The following SDK1 variants were observed in gnomAD, a reference collection of about 807,000 sequenced individuals.
SDK1 encodes sidekick cell adhesion molecule 1.
SDK1 carries 157 observed loss-of-function variants against 245.5 expected under a neutral mutation model. That is an observed-to-expected ratio of 0.64 (90% confidence interval 0.56 to 0.73). SDK1 has a LOEUF of 0.73. Among genes scored for constraint, SDK1 ranks in the 30% least tolerant of loss-of-function variants. The pLI is 0.00. For synonymous variants in SDK1, 1,647 were observed against 1,278.5 expected (o/e 1.29, Z -6.15); for missense variants, 3,583 against 3,002.3 (o/e 1.19, Z -4.52).
chr7:3,779,856 C>T (rs367885103), intron 4 of SDK1, among the ~76,000 whole-genome samples: 43 of 148,204 alleles, frequency 2.9e-4, no homozygotes, highest in East Asian at 2.0e-3. Flanking sequence ...GGCGTGAACC[C>T]GGGAAGCGGA....
intron 1 of SDK1, among the ~76,000 whole-genome samples, chr7:3,607,714 C>A (rs540261595): frequency 6.6e-6 from 1 of 152,168 alleles, no homozygotes; most frequent in Non-Finnish European, 1.5e-5. Context: ...ATTTAGAAAG[C>A]CAAAAGTAAA....
intron 1 of SDK1, among the ~76,000 whole-genome samples, chr7:3,391,804 T>G (rs1781763740): frequency 6.6e-6 from 1 of 151,696 alleles, no homozygotes; most frequent in African/African-American, 2.4e-5. Context: ...ATTTTTGTAT[T>G]TTTTTGTAGA....
chr7:4,131,402 G>C (rs1384138339), intron 27 of SDK1, among the ~76,000 whole-genome samples: 2 of 152,200 alleles, frequency 1.3e-5, no homozygotes, highest in African/African-American at 4.8e-5. Flanking sequence ...TCCTAGTTGG[G>C]AGCCTGTGGC....
At chr7:4,017,907 G>T (rs1357252955) in intron 17 of SDK1, among the ~76,000 whole-genome samples, 3 of 152,202 alleles carry the variant, frequency 2.0e-5, no homozygotes, top group African/African-American at 7.2e-5. Flanking sequence ...CATGAAGCCA[G>T]TGGTTCTTAA....
intron 32 of SDK1, among the ~76,000 whole-genome samples, chr7:4,166,710 G>A (rs1025099301): frequency 5.9e-5 from 9 of 152,216 alleles, no homozygotes; most frequent in African/African-American, 1.9e-4. Flanking sequence ...GGGGGACCAC[G>A]GTGGCCGGAT....
chr7:3,316,747 C>A (rs1052103974), intron 1 of SDK1, among the ~76,000 whole-genome samples: 2 of 152,148 alleles, frequency 1.3e-5, no homozygotes, highest in African/African-American at 2.4e-5. Context: ...CAGCGTGGAA[C>A]TGGTTCTTGC....
At chr7:4,063,650 CA>C (rs1401652181) in intron 19 of SDK1, among the ~76,000 whole-genome samples, 1 of 150,122 alleles carries the variant, frequency 6.7e-6, no homozygotes, top group Non-Finnish European at 1.5e-5. Flanking sequence ...AAAAAGAGCC[CA>C]AATAGCCAAA....
At chr7:3,876,741 C>T (rs1781087142) in intron 5 of SDK1, among the ~76,000 whole-genome samples, 1 of 152,110 alleles carries the variant, frequency 6.6e-6, no homozygotes. Context: ...CACAGTGGCA[C>T]TTTTAATCAA....
intron 1 of SDK1, among the ~76,000 whole-genome samples, chr7:3,480,399 C>T (rs1011373822): frequency 4.9e-5 from 7 of 143,476 alleles, no homozygotes; most frequent in Admixed American, 3.5e-4. Flanking sequence ...TCCGGATAAG[C>T]TGCCTGCCTC....
rs745889287 is a variant in SDK1 at position 3,417,342 on chromosome 7, C to T, written c.298+115458C>T. ...CTCTCCAGCCAGTTCCCCGACTCTT[C>T]GTCTTCTTTCTGCTGCATGTGGTCT... is the stretch of plus-strand genomic sequence containing the variant. On this transcript the variant is annotated intron_variant, in intron 1 of 44. Coordinates refer to ENST00000404826, the MANE Select transcript of SDK1 (RefSeq NM_152744.4). Among the ~76,000 whole-genome samples the T allele has an allele frequency of 1.1e-4, 17 of 152,152 alleles. 1 individual carries two copies. The highest frequency in any genetic ancestry group is 3.9e-4 in the Admixed American group (6 of 15,282).
At chr7:3,445,374 G>A (rs1031973922) in intron 1 of SDK1, among the ~76,000 whole-genome samples, 1 of 152,152 alleles carries the variant, frequency 6.6e-6, no homozygotes, top group African/African-American at 2.4e-5. Context: ...CCATGGTTAG[G>A]TTAAGTTAGG....
chr7:4,066,765 G>C (rs934623844), intron 19 of SDK1, among the ~76,000 whole-genome samples: 2 of 152,226 alleles, frequency 1.3e-5, no homozygotes, highest in African/African-American at 4.8e-5. Context: ...AGATGTCCCT[G>C]CTGTCCGGCC....
At position 4,009,438 on chromosome 7, in the gene SDK1, A is replaced by C. The variant is rs557785550; in HGVS notation, c.2132-1528A>C. On this transcript the variant is annotated intron_variant, in intron 14 of 44. Coordinates refer to ENST00000404826, the MANE Select transcript of SDK1 (RefSeq NM_152744.4). ...CCATGAGCTGCATGATACAAGTGGA[A>C]GGGTTTTAGGCTCCCAGAGTAAAAA... is the stretch of plus-strand genomic sequence containing the variant. Among the ~76,000 whole-genome samples the C allele has an allele frequency of 9.2e-4, 140 of 152,342 alleles. 2 individuals are homozygous for C. Among genetic ancestry groups the C allele is most frequent in the South Asian group, 1.0e-3 (5 of 4,830 alleles).
intron 1 of SDK1, among the ~76,000 whole-genome samples, chr7:3,309,252 A>G (rs574881290): frequency 2.0e-5 from 3 of 152,290 alleles, no homozygotes; most frequent in Non-Finnish European, 4.4e-5. Flanking sequence ...AGATTTTGAT[A>G]GGGTATGACC....
At chr7:4,013,127 G>C (rs1786120829) in intron 16 of SDK1, among the ~76,000 whole-genome samples, 1 of 152,152 alleles carries the variant, frequency 6.6e-6, no homozygotes, top group Non-Finnish European at 1.5e-5. Flanking sequence ...ACTTCTGCAG[G>C]CCAGATGTGG....
intron 1 of SDK1, among the ~76,000 whole-genome samples, chr7:3,573,777 C>T (rs573540039): frequency 6.6e-6 from 1 of 152,058 alleles, no homozygotes; most frequent in African/African-American, 2.4e-5. Flanking sequence ...TGATTTTTGA[C>T]CCTTCCTTTT....
In SDK1 at chr7:4,266,454, G is replaced by A; in HGVS notation, c.*1070G>A. On this transcript the variant is annotated 3_prime_UTR_variant, in exon 45 of 45. Transcript: ENST00000404826. ...GCACACCAGGCCGTCCCCTCCCTCTGTCCTGGCTTCTGCTGGCTGCTCGCA... is the reference window on the plus strand; with the variant it reads ...GCACACCAGGCCGTCCCCTCCCTCTATCCTGGCTTCTGCTGGCTGCTCGCA... 2 of 985,346 alleles carry A rather than the reference G, an allele frequency of 2.0e-6. No individual in the cohort carries two copies. The highest frequency in any genetic ancestry group is 2.4e-6 in the Non-Finnish European group (2 of 829,908). The allele number at this position is 985,346 out of a possible 1,614,324, so 61.0% of individuals were successfully genotyped here.
Position 4,130,036 on chromosome 7 carries a change from C to T in SDK1, c.4068C>T (p.Phe1356=), listed in dbSNP as rs1784695669. 6.2e-7 allele frequency: 1 copy of T among 1,613,214 alleles called. No individual in the cohort carries two copies. ...FVLYELQVLA[F]TRIGNGVPST... is the part of the protein sequence containing the mutation. ...TCTACGAGCTCCAGGTGCTGGCGTT[C>T]ACCCGCATCGGGAACGGGGTCCCCA... Residue 1356 remains phenylalanine, a synonymous_variant, in exon 27 of 45, where the codon TTC becomes TTT. Transcript: ENST00000404826.
intron 13 of SDK1, among the ~76,000 whole-genome samples, chr7:3,977,748 C>A (rs1484367312): frequency 6.6e-6 from 1 of 152,258 alleles, no homozygotes; most frequent in African/African-American, 2.4e-5. Context: ...GGCTCCCTCT[C>A]CTCCTGGAAC....
Sources: allele counts gnomAD v4.1 joint callset (sites outside exome capture counted in the v4.1 genomes callset), GRCh38; gene constraint gnomAD v4.1.1; transcripts MANE v1.5; gene names NCBI Gene and HGNC (gene_info 2026-07-23, HGNC 2026-07-21).